Variants in KCNN2 observed in about 807,000 individuals in gnomAD.
KCNN2 encodes small conductance calcium-activated potassium channel protein 2.
A neutral mutation model predicts 55.5 loss-of-function variants in KCNN2; 24 were observed. That is an observed-to-expected ratio of 0.43 (90% confidence interval 0.31 to 0.61). The LOEUF (loss-of-function observed/expected upper bound fraction) is 0.61, where lower values mean the gene tolerates loss of function less well. Among genes scored for constraint, KCNN2 ranks in the 20% least tolerant of loss-of-function variants. The probability of loss-of-function intolerance (pLI) is 0.08; values close to 1 mark genes in which losing one functional copy is unlikely to be tolerated. For missense variants in KCNN2, 754 were observed against 853.6 expected (o/e 0.88, Z 1.45); for synonymous variants, 431 against 336.1 (o/e 1.28, Z -3.09).
chr5:114,395,252 A>C (rs1758580513), intron 2 of KCNN2, among the ~76,000 whole-genome samples: 1 of 152,156 alleles, frequency 6.6e-6, no homozygotes, highest in African/African-American at 2.4e-5. Flanking sequence ...GGTCAGTGCT[A>C]ACTAATCTAT....
chr5:114,187,680 A>T (rs1171602755), intron 1 of KCNN2, among the ~76,000 whole-genome samples: 2 of 147,344 alleles, frequency 1.4e-5, no homozygotes, highest in Non-Finnish European at 3.0e-5. Context: ...TAATTTTTTT[A>T]TATTTTTAGG....
chr5:114,112,485 CATAA>C (rs1290229164), intron 1 of KCNN2, among the ~76,000 whole-genome samples: 4 of 151,840 alleles, frequency 2.6e-5, no homozygotes, highest in Non-Finnish European at 5.9e-5. Flanking sequence ...ATAAAAAATA[CATAA>C]ATAAATAAAA....
At chr5:114,158,588 T>C (rs1462177049) in intron 1 of KCNN2, among the ~76,000 whole-genome samples, 6 of 151,982 alleles carry the variant, frequency 3.9e-5, no homozygotes, top group Non-Finnish European at 7.4e-5. Flanking sequence ...ATAAATTACC[T>C]TGGGCAGTAT....
At chr5:114,224,335 AAGT>A in intron 2 of KCNN2, among the ~76,000 whole-genome samples, 1 of 152,332 alleles carries the variant, frequency 6.6e-6, no homozygotes, top group South Asian at 2.1e-4. Context: ...TTTTAGATAA[AAGT>A]AACCATTTTT....
intron 2 of KCNN2, among the ~76,000 whole-genome samples, chr5:114,280,248 G>A (rs1755595565): frequency 6.6e-6 from 1 of 152,158 alleles, no homozygotes. Flanking sequence ...TATTCTGTAG[G>A]TTGCCTGTTC....
intron 2 of KCNN2, among the ~76,000 whole-genome samples, chr5:114,239,252 G>A (rs1754570934): frequency 6.6e-6 from 1 of 152,102 alleles, no homozygotes; most frequent in Non-Finnish European, 1.5e-5. Context: ...ACCCAGTGAT[G>A]TGGGAAATAA....
intron 2 of KCNN2, among the ~76,000 whole-genome samples, chr5:114,244,154 A>C (rs895581303): frequency 6.6e-6 from 1 of 152,316 alleles, no homozygotes; most frequent in African/African-American, 2.4e-5. Context: ...ATATCTAGTT[A>C]GGGCAGTCTC....
chr5:114,185,164 A>G (rs540172214), intron 1 of KCNN2, among the ~76,000 whole-genome samples: 24 of 152,360 alleles, frequency 1.6e-4, no homozygotes, highest in African/African-American at 5.3e-4. Context: ...AAAGAGAGGA[A>G]AAGTGTAGAA....
intron 2 of KCNN2, among the ~76,000 whole-genome samples, chr5:114,229,922 A>G (rs1754321970): frequency 6.6e-6 from 1 of 152,166 alleles, no homozygotes; most frequent in African/African-American, 2.4e-5. Context: ...CACTAGATGC[A>G]TTGTACAGCT....
intron 2 of KCNN2, among the ~76,000 whole-genome samples, chr5:114,280,254 T>A (rs1755595948): frequency 6.6e-6 from 1 of 152,210 alleles, no homozygotes; most frequent in South Asian, 2.1e-4. Context: ...GTAGGTTGCC[T>A]GTTCACTCTG....
chr5:114,237,256 T>TCACACACACACACA (rs10643853), intron 2 of KCNN2, among the ~76,000 whole-genome samples: 73 of 138,592 alleles, frequency 5.3e-4, no homozygotes, highest in Non-Finnish European at 8.4e-4. Flanking sequence ...TTGTCAAAAT[T>TCACACACACACACA]CACACACACA....
At chr5:114,490,720 C>T in intron 6 of KCNN2, 1 of 398,124 alleles carries the variant, frequency 2.5e-6, no homozygotes, top group Non-Finnish European at 4.4e-6. Flanking sequence ...TGAGCCGCTC[C>T]TTTCAACATT....
At chr5:114,306,031 C>T (rs925568481) in intron 2 of KCNN2, among the ~76,000 whole-genome samples, 1 of 152,108 alleles carries the variant, frequency 6.6e-6, no homozygotes, top group African/African-American at 2.4e-5. Context: ...GCATAATATT[C>T]TTTGGTATGT....
At chr5:114,483,252 A>AGTAGTAGT (rs1313275937) in intron 5 of KCNN2, among the ~76,000 whole-genome samples, 1 of 149,220 alleles carries the variant, frequency 6.7e-6, no homozygotes, top group Non-Finnish European at 1.5e-5. Context: ...ACAATAATGT[A>AGTAGTAGT]GTAGTAGTGT....
At chr5:114,173,811 T>C (rs1157911556) in intron 1 of KCNN2, among the ~76,000 whole-genome samples, 1 of 152,006 alleles carries the variant, frequency 6.6e-6, no homozygotes, top group Non-Finnish European at 1.5e-5. Flanking sequence ...TCAATCATCA[T>C]GTCTAAAAGT....
chr5:114,237,727 T>C (rs1001450883), intron 2 of KCNN2, among the ~76,000 whole-genome samples: 1 of 152,190 alleles, frequency 6.6e-6, no homozygotes, highest in Non-Finnish European at 1.5e-5. Flanking sequence ...ATGCATTGTA[T>C]TATTTATGGT....
intron 1 of KCNN2, among the ~76,000 whole-genome samples, chr5:114,162,014 T>A (rs757670326): frequency 1.1e-4 from 17 of 152,218 alleles, no homozygotes; most frequent in Non-Finnish European, 2.5e-4. Flanking sequence ...TGAAAGTCAT[T>A]CTCTGTCCAG....
At chr5:114,387,985 A>G (rs1213669938) in intron 2 of KCNN2, among the ~76,000 whole-genome samples, 2 of 152,122 alleles carry the variant, frequency 1.3e-5, no homozygotes, top group Non-Finnish European at 2.9e-5. Flanking sequence ...CCATTCAGAA[A>G]CTCATGCATA....
At chr5:114,099,521 A>C (rs570299622) in intron 1 of KCNN2, among the ~76,000 whole-genome samples, 1 of 152,114 alleles carries the variant, frequency 6.6e-6, no homozygotes, top group Non-Finnish European at 1.5e-5. Flanking sequence ...GGTGGAATGC[A>C]TTGCTTATTC....
Sources: allele counts gnomAD v4.1 joint callset (sites outside exome capture counted in the v4.1 genomes callset), GRCh38; gene constraint gnomAD v4.1.1; transcripts MANE v1.5; gene names NCBI Gene and HGNC (gene_info 2026-07-23, HGNC 2026-07-21).